PIEZO2: variants seen among roughly 807,000 people sequenced by gnomAD.
PIEZO2 encodes the protein piezo type mechanosensitive ion channel component 2, also known as piezo-type mechanosensitive ion channel component 2.
PIEZO2 carries 172 observed loss-of-function variants against 337.3 expected under a neutral mutation model. The ratio of observed to expected loss-of-function variants is 0.51; its 90% CI spans 0.45 to 0.58. The LOEUF (loss-of-function observed/expected upper bound fraction) is 0.58. Ranked by LOEUF, PIEZO2 falls within the 20% of genes least tolerant of loss-of-function variation. PIEZO2 has a pLI of 0.00. For synonymous variants in PIEZO2, 1,251 were observed against 1,228.5 expected (o/e 1.02, Z -0.38); for missense variants, 3,028 against 3,391.3 (o/e 0.89, Z 2.66).
In PIEZO2 at chr18:11,000,248, A is replaced by C. The variant is rs199582805; in HGVS notation, c.161-20588T>G. ...CTTCAAGTGGGATATGGAATTCCCC[A>C]CTGTGCCCCACCTCTAAATCCTTCC... On this transcript the variant is annotated intron_variant, in intron 2 of 55. Transcript: ENST00000674853. Among the ~76,000 whole-genome samples, 16 of 152,280 alleles carry C rather than the reference A, an allele frequency of 1.1e-4. No individual in the cohort carries two copies. The East Asian group carries it at 2.9e-3, about 28-fold the overall frequency.
intron 36 of PIEZO2, among the ~76,000 whole-genome samples, chr18:10,723,014 C>T (rs1045519519): frequency 1.6e-5 from 2 of 127,492 alleles, no homozygotes; most frequent in African/African-American, 6.1e-5. Context: ...GTTGCCCAGG[C>T]TGGAGTGCAA....
chr18:10,817,490 T>G (rs975842260), intron 7 of PIEZO2, among the ~76,000 whole-genome samples: 1 of 152,172 alleles, frequency 6.6e-6, no homozygotes, highest in Non-Finnish European at 1.5e-5. Flanking sequence ...TAAGGCACAA[T>G]CTTGTTCATA....
At position 10,716,635 on chromosome 18, in the gene PIEZO2, AC is replaced by A. The variant is rs1268087530; in HGVS notation, c.5090-820del. 6.6e-6 allele frequency among the ~76,000 whole-genome samples: 1 copy of A among 151,572 alleles called. No individual in the cohort carries two copies. Among genetic ancestry groups the A allele is most frequent in the African/African-American group, 2.4e-5 (1 of 40,886 alleles). On this transcript the variant is annotated intron_variant, in intron 37 of 55. Transcript: ENST00000674853. This position sits in a 1 kb window ranked among gnomAD's most constrained non-coding sequence, Gnocchi z 4.1. ...CCGCTGAACAGGAGATGCCACGAGC[AC>A]CTATGTTTCCCTCTCCGCCCCTCCT...
intron 3 of PIEZO2, among the ~76,000 whole-genome samples, chr18:10,924,598 C>T (rs1005859901): frequency 6.6e-6 from 1 of 152,112 alleles, no homozygotes; most frequent in Non-Finnish European, 1.5e-5. Context: ...CATGCAAAGT[C>T]GACCAACAAG....
chr18:10,866,435 G>A (rs988057636), intron 5 of PIEZO2, among the ~76,000 whole-genome samples: 2 of 151,954 alleles, frequency 1.3e-5, no homozygotes, highest in South Asian at 2.1e-4. Context: ...ACAGGCACCC[G>A]CCACCACACC....
In PIEZO2 at chr18:10,772,650, A is replaced by G. The variant is rs186694437; in HGVS notation, c.2785+762T>C. ...GTTGACCAGCAAAGACAAGTGCAGC[A>G]TCTTAAGATCATAGCCCCAGAACCT... On this transcript the variant is annotated intron_variant, in intron 20 of 55. Coordinates refer to ENST00000674853, the MANE Select transcript of PIEZO2 (RefSeq NM_001378183.1). 2.5e-3 allele frequency among the ~76,000 whole-genome samples: 384 copies of G among 152,330 alleles called. 1 individual carries two copies. The highest frequency in any genetic ancestry group is 4.5e-3 in the Non-Finnish European group (307 of 68,040).
intron 1 of PIEZO2, among the ~76,000 whole-genome samples, chr18:11,142,929 A>C (rs2040697152): frequency 6.6e-6 from 1 of 152,126 alleles, no homozygotes; most frequent in Admixed American, 6.5e-5. Context: ...ATACAAAAAA[A>C]TTAGCCGGGT....
intron 4 of PIEZO2, among the ~76,000 whole-genome samples, chr18:10,896,871 G>A (rs1268939722): frequency 2.6e-5 from 4 of 152,160 alleles, no homozygotes; most frequent in African/African-American, 7.2e-5. Flanking sequence ...AAAAAGAGTT[G>A]GGGGTGAGGT....
chr18:10,797,475 T>G lies in PIEZO2; in HGVS notation c.1426A>C (p.Arg476=). The G allele has an allele frequency of 1.3e-6, 2 of 1,537,202 alleles. No homozygotes were observed. The change falls in exon 12 of 56, where the codon AGG becomes CGG. Residue 476 remains arginine (R), a synonymous_variant. Coordinates refer to ENST00000674853, the MANE Select transcript of PIEZO2 (RefSeq NM_001378183.1). ...EEEKEEFEEE[R]SREEKRSIKV... ...ATACTTCTTTTTTCCTCACGGCTCC[T>G]TTCTTCTTCAAATTCTTCTTTCTCT...
intron 36 of PIEZO2, among the ~76,000 whole-genome samples, chr18:10,719,196 T>G (rs2036151880): frequency 6.6e-6 from 1 of 152,056 alleles, no homozygotes; most frequent in African/African-American, 2.4e-5. Context: ...AATTTTAAAT[T>G]TAAGAACATT....
chr18:11,010,608 TTTTGTTTG>T (rs553829106), intron 2 of PIEZO2, among the ~76,000 whole-genome samples: 7 of 152,164 alleles, frequency 4.6e-5, no homozygotes, highest in East Asian at 1.9e-4. Context: ...TAGTCCTGTT[TTTTGTTTG>T]TTTGTTTGTT....
At chr18:10,907,161 G>T (rs1372329638) in intron 4 of PIEZO2, among the ~76,000 whole-genome samples, 2 of 152,134 alleles carry the variant, frequency 1.3e-5, no homozygotes. Flanking sequence ...AAGAAAGATG[G>T]TCTGAGCATG....
At chr18:10,806,359 G>A (rs1392154797) in intron 8 of PIEZO2, among the ~76,000 whole-genome samples, 1 of 152,132 alleles carries the variant, frequency 6.6e-6, no homozygotes, top group Non-Finnish European at 1.5e-5. Context: ...CAGTCATTTA[G>A]GGGAAAGAAA....
rs2036574162 is a variant in PIEZO2 at position 10,727,080 on chromosome 18, G to A, written c.5029+4327C>T. ...GAGGGCAGGAGCATTCCTTGAGAAG[G>A]AGTGGCAACATCAAAGGGTTTGTGT... On this transcript the variant is annotated intron_variant, in intron 36 of 55. Coordinates refer to ENST00000674853, the MANE Select transcript of PIEZO2 (RefSeq NM_001378183.1). The surrounding 1 kb of genome is among the most constrained non-coding windows in gnomAD (Gnocchi z 6.3). The A allele has an allele frequency of 3.8e-6, 2 of 520,884 alleles. No homozygotes were observed. Among genetic ancestry groups the A allele is most frequent in the South Asian group, 6.3e-5 (2 of 31,562 alleles). 32.3% of individuals were successfully genotyped at this position (520,884 alleles called of 1,614,324 possible). A position where few individuals can be genotyped will look rare whatever the true frequency, so the allele number is the denominator to read the frequency against.
At position 11,027,791 on chromosome 18, in the gene PIEZO2, C is replaced by T. The variant is rs1190223087; in HGVS notation, c.160+38336G>A. On this transcript the variant is annotated intron_variant, in intron 2 of 55. Transcript: ENST00000674853. This position sits in a 1 kb window ranked among gnomAD's most constrained non-coding sequence, Gnocchi z 4.2. ...ATAGTGATCTTGATCTATCATTTAG[C>T]GTTTCAGTTCAATACTGAAATTTCA... 1.3e-5 allele frequency among the ~76,000 whole-genome samples: 2 copies of T among 151,770 alleles called. No individual in the cohort carries two copies. The highest frequency in any genetic ancestry group is 4.9e-5 in the African/African-American group (2 of 41,168).
At chr18:11,114,453 G>T (rs1463413956) in intron 1 of PIEZO2, among the ~76,000 whole-genome samples, 1 of 152,210 alleles carries the variant, frequency 6.6e-6, no homozygotes, top group Non-Finnish European at 1.5e-5. Flanking sequence ...ATCACTTGAG[G>T]TCAGGAGTTC....
At chr18:10,722,554 G>A (rs982744582) in intron 36 of PIEZO2, among the ~76,000 whole-genome samples, 1 of 151,918 alleles carries the variant, frequency 6.6e-6, no homozygotes, top group Non-Finnish European at 1.5e-5. Context: ...AAGCAAGATG[G>A]AAACCTGGAA....
intron 7 of PIEZO2, among the ~76,000 whole-genome samples, chr18:10,832,947 C>G (rs893121938): frequency 6.6e-6 from 1 of 152,204 alleles, no homozygotes; most frequent in East Asian, 1.9e-4. Context: ...CCCACGTTTC[C>G]GCCTCCCTGC....
At position 10,675,276 on chromosome 18, in the gene PIEZO2, CT is replaced by C. The variant is rs1417888098; in HGVS notation, c.8093del (p.Lys2698ArgfsTer7). On this transcript the variant is annotated frameshift_variant, in exon 54 of 56. Transcript: ENST00000674853. LOFTEE classifies it high-confidence loss of function. Reference sequence around the variant, plus strand: ...GTGCTTTCACATAATATGGATAAATCTTTTCTATGGTCCTGTACATTAAGAA... The same window carrying C: ...GTGCTTTCACATAATATGGATAAATCTTTCTATGGTCCTGTACATTAAGAA... The part of the protein sequence containing the change: ...ESSKTPVTIE[K>X]IYPYYVKAPS... 7 of 1,534,778 alleles carry C rather than the reference CT, an allele frequency of 4.6e-6. No homozygotes were observed. Among genetic ancestry groups the C allele is most frequent in the Non-Finnish European group, 6.2e-6 (7 of 1,132,796 alleles).
Sources: allele counts gnomAD v4.1 joint callset (sites outside exome capture counted in the v4.1 genomes callset), GRCh38; gene constraint gnomAD v4.1.1; non-coding constraint Gnocchi (gnomAD v3.1); transcripts MANE v1.5; gene names NCBI Gene and HGNC (gene_info 2026-07-23, HGNC 2026-07-21).